Variants in ABHD18 observed in about 807,000 individuals in gnomAD.
ABHD18 encodes abhydrolase domain containing 18.
A neutral mutation model predicts 65.9 loss-of-function variants in ABHD18; 55 were observed. The observed-to-expected ratio is 0.84, with a 90% CI of 0.67 to 1.05. The LOEUF is 1.05. ABHD18 is among the 50% of genes least tolerant of loss of function. The pLI is 0.00. For synonymous variants in ABHD18, 181 were observed against 180.2 expected, an observed-to-expected ratio of 1.00 and a Z score of -0.04; for missense variants, 533 against 558.5, an observed-to-expected ratio of 0.95 and a Z score of 0.46.
At position 127,977,242 on chromosome 4, in the gene ABHD18, G is replaced by A. The variant is rs535756517; in HGVS notation, c.-17-5697G>A. Among the ~76,000 whole-genome samples the A allele has an allele frequency of 2.0e-5, 3 of 152,210 alleles. No homozygotes were observed. The South Asian group carries it at 6.2e-4, about 32-fold the overall frequency. On this transcript the variant is annotated intron_variant, in intron 1 of 12. Coordinates refer to ENST00000645843, the MANE Select transcript of ABHD18 (RefSeq NM_001358451.3). Reference sequence around the variant, plus strand: ...AATCCCAGCCCTTTGGGAGGCTGAGGCAGGTGGATCACCTGAGGTCGGGAG... The same window carrying A: ...AATCCCAGCCCTTTGGGAGGCTGAGACAGGTGGATCACCTGAGGTCGGGAG...
chr4:127,983,963 C>T (rs566889034), intron 2 of ABHD18, among the ~76,000 whole-genome samples: 8 of 151,872 alleles, frequency 5.3e-5, no homozygotes, highest in African/African-American at 1.7e-4. Flanking sequence ...TGCTTGAACC[C>T]GGGAGGCAGA....
chr4:128,033,764 C>T (rs1188850776), intron 12 of ABHD18, among the ~76,000 whole-genome samples: 4 of 151,570 alleles, frequency 2.6e-5, no homozygotes, highest in Non-Finnish European at 5.9e-5. Context: ...TCTCGATCTC[C>T]TGACCTCGTG....
At chr4:128,033,640 A>G (rs1172936377) in intron 12 of ABHD18, among the ~76,000 whole-genome samples, 3 of 148,034 alleles carry the variant, frequency 2.0e-5, no homozygotes, top group Non-Finnish European at 4.4e-5. Flanking sequence ...GGTTCACGGC[A>G]TTCTCATGCC....
chr4:128,033,252 T>C (rs1758462621), intron 12 of ABHD18, among the ~76,000 whole-genome samples: 2 of 151,786 alleles, frequency 1.3e-5, no homozygotes, highest in African/African-American at 4.8e-5. Context: ...AGACTCTGTC[T>C]CAAAAAAAAA....
chr4:128,009,377 T>C (rs1754159927), intron 6 of ABHD18, among the ~76,000 whole-genome samples, 186 bp downstream of exon 6: 1 of 152,180 alleles, frequency 6.6e-6, no homozygotes, highest in South Asian at 2.1e-4. Flanking sequence ...AAAATTAACA[T>C]AAGGATTGTA....
intron 4 of ABHD18, among the ~76,000 whole-genome samples, chr4:128,002,646 C>CTTTG (rs938876554): frequency 2.7e-5 from 4 of 150,902 alleles, no homozygotes; most frequent in Non-Finnish European, 5.9e-5. Flanking sequence ...TAGATTAATA[C>CTTTG]TTTGTTTGTT....
At position 127,977,587 on chromosome 4, in the gene ABHD18, ACTTT is replaced by A. The variant is rs200175157; in HGVS notation, c.-17-5347_-17-5344del. Among the ~76,000 whole-genome samples, 828 of 152,342 alleles carry A rather than the reference ACTTT, an allele frequency of 5.4e-3. 8 individuals are homozygous for A. The highest frequency in any genetic ancestry group is 0.015 in the African/African-American group (619 of 41,584). ...CTATAAAGGTAGTAACATGCATAGA[ACTTT>A]CTTTATGATTTTTCATCTTGGGTTT... On this transcript the variant is annotated intron_variant, in intron 1 of 12. Coordinates refer to ENST00000645843, the MANE Select transcript of ABHD18 (RefSeq NM_001358451.3).
At chr4:127,998,769 G>C (rs10028090) in intron 4 of ABHD18, among the ~76,000 whole-genome samples, 1 of 152,014 alleles carries the variant, frequency 6.6e-6, no homozygotes, top group Non-Finnish European at 1.5e-5. Flanking sequence ...AACTAAATAA[G>C]ATAAAAGCAA....
At chr4:127,973,273 C>T (rs561447443) in intron 1 of ABHD18, among the ~76,000 whole-genome samples, 1 of 152,324 alleles carries the variant, frequency 6.6e-6, no homozygotes, top group South Asian at 2.1e-4. Context: ...ACCTCAGCAT[C>T]ACAAACTACT....
At chr4:128,010,373 T>G (rs1754321651) in intron 6 of ABHD18, among the ~76,000 whole-genome samples, 1 of 148,138 alleles carries the variant, frequency 6.8e-6, no homozygotes, top group African/African-American at 2.5e-5. Context: ...CTGCTAAAAA[T>G]ATAAAATTAG....
At chr4:127,984,184 G>C (rs1749571994) in intron 2 of ABHD18, among the ~76,000 whole-genome samples, 155 bp from the exon 3 acceptor site, 1 of 152,180 alleles carries the variant, frequency 6.6e-6, no homozygotes, top group Non-Finnish European at 1.5e-5. Context: ...AAAAACAACA[G>C]CCTAATCGCT....
intron 4 of ABHD18, among the ~76,000 whole-genome samples, chr4:127,997,363 G>A (rs1056322300): frequency 2.6e-5 from 4 of 152,158 alleles, no homozygotes; most frequent in Admixed American, 1.3e-4. Flanking sequence ...TGATGAAAGA[G>A]TGTTAAAGAC....
chr4:127,999,503 T>A (rs1752314107), intron 4 of ABHD18, among the ~76,000 whole-genome samples: 1 of 152,146 alleles, frequency 6.6e-6, no homozygotes, highest in African/African-American at 2.4e-5. Flanking sequence ...ATAAAATGAG[T>A]GCAAATAATA....
At chr4:127,969,410 G>T (rs1386946632) in intron 1 of ABHD18, among the ~76,000 whole-genome samples, 1 of 151,814 alleles carries the variant, frequency 6.6e-6, no homozygotes, top group Non-Finnish European at 1.5e-5. Flanking sequence ...CATGGGTCAG[G>T]CTGGTCTCCA....
chr4:127,995,515 A>AT (rs1751594874), intron 4 of ABHD18, among the ~76,000 whole-genome samples: 1 of 152,232 alleles, frequency 6.6e-6, no homozygotes, highest in East Asian at 1.9e-4. Flanking sequence ...TAGACTCGTG[A>AT]TTTTAAATAT....
chr4:127,995,406 A>G (rs1201787625), intron 4 of ABHD18, among the ~76,000 whole-genome samples: 3 of 152,234 alleles, frequency 2.0e-5, no homozygotes, highest in African/African-American at 7.2e-5. Flanking sequence ...AAATGTAGAT[A>G]ATTCCTGTTC....
At chr4:127,982,908 T>C (rs1281727479) in intron 1 of ABHD18, 31 bp from the exon 2 acceptor site, 2 of 1,213,326 alleles carry the variant, frequency 1.6e-6, no homozygotes, top group Non-Finnish European at 1.1e-6. Flanking sequence ...AAATAAAATA[T>C]TTTAAAGCCA....
chr4:127,983,426 A>G (rs1408801936), intron 2 of ABHD18, among the ~76,000 whole-genome samples: 1 of 152,184 alleles, frequency 6.6e-6, no homozygotes, highest in Non-Finnish European at 1.5e-5. Flanking sequence ...CTCACAGGAA[A>G]ATCTGGACTT....
At chr4:127,993,598 C>A (rs1336117207) in intron 4 of ABHD18, among the ~76,000 whole-genome samples, 1 of 152,114 alleles carries the variant, frequency 6.6e-6, no homozygotes, top group Admixed American at 6.5e-5. Flanking sequence ...AAAAATTCCA[C>A]CAATGAGTGT....
Sources: gnomAD v4.1 joint callset for allele counts (sites outside exome capture counted in the v4.1 genomes callset) on GRCh38, gnomAD v4.1.1 for gene constraint, MANE v1.5 for transcripts, NCBI Gene and HGNC (gene_info 2026-07-23, HGNC 2026-07-21) for gene names.